MBOAT2: variants seen among roughly 807,000 people sequenced by gnomAD.
The protein encoded by MBOAT2 is membrane-bound glycerophospholipid O-acyltransferase 2.
A neutral mutation model predicts 63.4 loss-of-function variants in MBOAT2; 28 were observed. The ratio of observed to expected loss-of-function variants is 0.44; its 90% CI spans 0.33 to 0.61. The LOEUF (loss-of-function observed/expected upper bound fraction) is 0.61. MBOAT2 is among the 20% of genes least tolerant of loss of function. The pLI, the probability that MBOAT2 is intolerant of heterozygous loss-of-function variation, is 0.03. For synonymous variants in MBOAT2, 211 were observed against 215.6 expected (o/e 0.98, Z 0.19); for missense variants, 470 against 605.8 (o/e 0.78, Z 2.35).
chr2:8,870,600 A>C (rs904684537), intron 8 of MBOAT2, among the ~76,000 whole-genome samples: 1 of 152,198 alleles, frequency 6.6e-6, no homozygotes, highest in South Asian at 2.1e-4. Context: ...ACGTGGGCAC[A>C]TGCATGCTGA....
At position 8,951,046 on chromosome 2, in the gene MBOAT2, T is replaced by C. The variant is rs114801171; in HGVS notation, c.221+7451A>G. On this transcript the variant is annotated intron_variant, in intron 2 of 12. Coordinates refer to ENST00000305997, the MANE Select transcript of MBOAT2 (RefSeq NM_138799.4). ...TTGAGTTTGGCTTGCTATGGTATTT[T>C]TGCATCTATGTTCGTCAGGGATATT... Among the ~76,000 whole-genome samples the C allele has an allele frequency of 6.9e-3, 1,047 of 152,294 alleles. 19 individuals carry two copies. The highest frequency in any genetic ancestry group is 0.024 in the African/African-American group (1,003 of 41,564).
chr2:8,883,857 T>C (rs960175360), intron 5 of MBOAT2, among the ~76,000 whole-genome samples: 2 of 152,090 alleles, frequency 1.3e-5, no homozygotes, highest in African/African-American at 2.4e-5. Flanking sequence ...GGGAATATAT[T>C]ACACATTCCA....
intron 2 of MBOAT2, among the ~76,000 whole-genome samples, chr2:8,950,376 T>A (rs1231890513): frequency 6.6e-6 from 1 of 152,102 alleles, no homozygotes; most frequent in Non-Finnish European, 1.5e-5. Context: ...GTGGTGAGAG[T>A]GGGCATCCTT....
chr2:8,888,229 A>C (rs969675746), intron 4 of MBOAT2, among the ~76,000 whole-genome samples, 156 bp from the exon 5 acceptor site: 3 of 152,196 alleles, frequency 2.0e-5, no homozygotes, highest in African/African-American at 7.2e-5. Context: ...ATAACTCAGA[A>C]GTTATGTATT....
At chr2:8,869,337 G>A (rs1662143193) in intron 8 of MBOAT2, among the ~76,000 whole-genome samples, 3 of 151,258 alleles carry the variant, frequency 2.0e-5, no homozygotes, top group South Asian at 2.1e-4. Flanking sequence ...AAGAGCTACC[G>A]CACCCGACCC....
intron 1 of MBOAT2, among the ~76,000 whole-genome samples, chr2:8,962,595 AGAGGGACCTTT>A (rs2103285973): frequency 6.6e-6 from 1 of 152,322 alleles, no homozygotes; most frequent in Admixed American, 6.5e-5. Flanking sequence ...GCAAGTAGCA[AGAGGGACCTTT>A]GGTGGTTTGA....
chr2:8,940,705 T>C (rs574886522), intron 3 of MBOAT2, among the ~76,000 whole-genome samples: 3 of 152,318 alleles, frequency 2.0e-5, no homozygotes, highest in South Asian at 2.1e-4. Context: ...TGTATATATA[T>C]ATTTGAATTT....
chr2:8,864,697 C>T (rs569163703), intron 9 of MBOAT2, among the ~76,000 whole-genome samples: 60 of 152,216 alleles, frequency 3.9e-4, no homozygotes, highest in African/African-American at 1.4e-3. Context: ...TCTGGCGCTG[C>T]CTGGCTGTGC....
In MBOAT2 at chr2:8,854,667, G is replaced by A. The variant is rs566333214; in HGVS notation, c.*4012C>T. The A allele has an allele frequency of 2.0e-5, 3 of 152,296 alleles. No individual in the cohort carries two copies. The highest frequency in any genetic ancestry group is 7.2e-5 in the African/African-American group (3 of 41,576). The allele number at this position is 152,296 out of a possible 1,614,324, so 9.4% of individuals were successfully genotyped here. On this transcript the variant is annotated 3_prime_UTR_variant, in exon 13 of 13. Transcript: ENST00000305997. ...ATAAGGAAACAAAAAAAGTATAAAT[G>A]TCCAGATTTGTTCATGAATATACAA...
intron 3 of MBOAT2, among the ~76,000 whole-genome samples, chr2:8,923,933 T>C (rs948966301): frequency 1.3e-5 from 2 of 152,146 alleles, no homozygotes; most frequent in Non-Finnish European, 2.9e-5. Flanking sequence ...ATGGGTTTTT[T>C]TGTAGATCAG....
At chr2:8,891,641 T>C (rs765903606) in intron 4 of MBOAT2, among the ~76,000 whole-genome samples, 3 of 152,336 alleles carry the variant, frequency 2.0e-5, no homozygotes, top group South Asian at 2.1e-4. Context: ...TTTGTATTAA[T>C]GGAGCTTCAG....
intron 8 of MBOAT2, among the ~76,000 whole-genome samples, chr2:8,872,696 T>G (rs1263740228): frequency 6.6e-6 from 1 of 152,236 alleles, no homozygotes; most frequent in Non-Finnish European, 1.5e-5. Context: ...TTCACTTTGC[T>G]GATAAACTAC....
intron 1 of MBOAT2, among the ~76,000 whole-genome samples, chr2:9,001,646 A>C (rs1672697923): frequency 6.6e-6 from 1 of 152,204 alleles, no homozygotes; most frequent in African/African-American, 2.4e-5. Flanking sequence ...AGGATGTCAA[A>C]AATTTTAAGT....
At chr2:8,941,697 G>C (rs1668063346) in intron 3 of MBOAT2, among the ~76,000 whole-genome samples, 1 of 151,730 alleles carries the variant, frequency 6.6e-6, no homozygotes, top group Admixed American at 6.6e-5. Flanking sequence ...CCAAGGAACT[G>C]AATTCTAAGT....
chr2:8,862,186 G>T lies in MBOAT2; in HGVS notation c.1185+404C>A. The T allele has an allele frequency of 2.8e-6, 2 of 726,254 alleles. No individual in the cohort carries two copies. The highest frequency in any genetic ancestry group is 3.9e-6 in the Non-Finnish European group (2 of 515,834). The allele number at this position is 726,254 out of a possible 1,614,324, so 45.0% of individuals were successfully genotyped here. A position where few individuals can be genotyped will look rare whatever the true frequency, so the allele number is the denominator to read the frequency against. ...CCTCTTCCAGTGTGGCTCATCCACT[G>T]TCTTGGCCTCGCACAGCCTAGTCTT... On this transcript the variant is annotated intron_variant, in intron 11 of 12. Transcript: ENST00000305997. This position sits in a 1 kb window ranked among gnomAD's most constrained non-coding sequence, Gnocchi z 4.3.
intron 3 of MBOAT2, among the ~76,000 whole-genome samples, chr2:8,941,455 C>A (rs1288060150): frequency 1.3e-5 from 2 of 152,182 alleles, no homozygotes; most frequent in Non-Finnish European, 2.9e-5. Flanking sequence ...TGTTCTCTAT[C>A]TGCACTGTCC....
At chr2:8,907,814 ACT>A (rs1319605354) in intron 4 of MBOAT2, among the ~76,000 whole-genome samples, 1 of 152,086 alleles carries the variant, frequency 6.6e-6, no homozygotes, top group Non-Finnish European at 1.5e-5. Flanking sequence ...CTCTTCTAAA[ACT>A]CTCTTGTTTT....
At chr2:8,996,608 G>A (rs1672328326) in intron 1 of MBOAT2, among the ~76,000 whole-genome samples, 1 of 152,154 alleles carries the variant, frequency 6.6e-6, no homozygotes, top group Non-Finnish European at 1.5e-5. Flanking sequence ...TCAACTGGAG[G>A]CCATAGCTCT....
intron 2 of MBOAT2, among the ~76,000 whole-genome samples, chr2:8,954,349 G>A (rs906753332): frequency 6.6e-6 from 1 of 152,124 alleles, no homozygotes; most frequent in Non-Finnish European, 1.5e-5. Flanking sequence ...CAGGCAATAA[G>A]CTGGTTTGTG....
Sources: allele counts gnomAD v4.1 joint callset (sites outside exome capture counted in the v4.1 genomes callset), GRCh38; gene constraint gnomAD v4.1.1; non-coding constraint Gnocchi (gnomAD v3.1); transcripts MANE v1.5; gene names NCBI Gene and HGNC (gene_info 2026-07-23, HGNC 2026-07-21).